Variants in SI observed in about 807,000 individuals in gnomAD.
The protein encoded by SI is sucrase-isomaltase, intestinal.
In SI, 235 loss-of-function variants were observed where a neutral mutation model predicts 253.3. The observed-to-expected ratio is 0.93, with a 90% CI of 0.83 to 1.03. SI has a LOEUF of 1.03. Ranked by LOEUF, SI falls within the 50% of genes least tolerant of loss-of-function variation. The pLI is 0.00. For missense variants in SI, 2,442 were observed against 2,211.1 expected, an observed-to-expected ratio of 1.10 and a Z score of -2.09; for synonymous variants, 819 against 712.0, an observed-to-expected ratio of 1.15 and a Z score of -2.39.
chr3:165,086,290 T>C, the SI span, among the ~76,000 whole-genome samples: 1 of 152,028 alleles, frequency 6.6e-6, no homozygotes, highest in Non-Finnish European at 1.5e-5. Context: ...AAAAAATCCA[T>C]GTTACATGTC....
chr3:165,085,621 T>C, the SI span, among the ~76,000 whole-genome samples: 43 of 152,176 alleles, frequency 2.8e-4, no homozygotes, highest in Non-Finnish European at 1.2e-4. Context: ...GCCATATCTG[T>C]ATTAGGGAGA....
chr3:165,017,702 G>A (rs750713443), intron 30 of SI, 29 bp from the exon 31 acceptor site: 2 of 1,609,358 alleles, frequency 1.2e-6, no homozygotes, highest in Admixed American at 1.7e-5. Flanking sequence ...TGTGAACTAA[G>A]AGAATTACTT....
In SI at chr3:165,069,044, T is replaced by A. The variant is rs754504905; in HGVS notation, c.373+34A>T. ...ACATTTTCGCTCCAGTTAGAATATATCATATTGAATCATTATAACAGAGGA... is the reference window on the plus strand; with the variant it reads ...ACATTTTCGCTCCAGTTAGAATATAACATATTGAATCATTATAACAGAGGA... On this transcript the variant is annotated intron_variant, in intron 4 of 47. Coordinates refer to ENST00000264382, the MANE Select transcript of SI (RefSeq NM_001041.4). The A allele has an allele frequency of 8.7e-6, 12 of 1,385,276 alleles. No individual in the cohort carries two copies. In the South Asian group the frequency reaches 9.2e-5, roughly 11 times the overall value. The allele number at this position is 1,385,276 out of a possible 1,614,324, so 85.8% of individuals were successfully genotyped here. A position where few individuals can be genotyped will look rare whatever the true frequency, so the allele number is the denominator to read the frequency against.
chr3:165,055,431 T>A, intron 12 of SI, 124 bp from the exon 13 acceptor site: 1 of 591,964 alleles, frequency 1.7e-6, no homozygotes, highest in Admixed American at 2.9e-5. Context: ...TAGGTATATG[T>A]GACTCATATA....
chr3:165,043,196 C>G (rs754821100), intron 16 of SI, 21 bp from the exon 17 acceptor site: 4 of 1,488,764 alleles, frequency 2.7e-6, no homozygotes, highest in East Asian at 2.3e-5. Flanking sequence ...AATATATTTA[C>G]TATTTATAAT....
intron 45 of SI, among the ~76,000 whole-genome samples, chr3:164,985,086 G>C (rs1717375893): frequency 6.6e-6 from 1 of 152,044 alleles, no homozygotes; most frequent in Non-Finnish European, 1.5e-5. Flanking sequence ...GAAATATTTG[G>C]ATTATGCTCA....
intron 16 of SI, among the ~76,000 whole-genome samples, chr3:165,044,227 C>G (rs1020926433): frequency 5.3e-5 from 8 of 151,940 alleles, no homozygotes; most frequent in African/African-American, 1.9e-4. Flanking sequence ...TGGTCCCACA[C>G]ATTTTGGATA....
chr3:165,046,310 G>A (rs1407156342), intron 16 of SI, among the ~76,000 whole-genome samples: 2 of 151,960 alleles, frequency 1.3e-5, no homozygotes, highest in Non-Finnish European at 2.9e-5. Flanking sequence ...AATATTGGAT[G>A]CTATGTTTTT....
intron 45 of SI, among the ~76,000 whole-genome samples, chr3:164,985,884 G>T (rs892871403): frequency 3.3e-5 from 5 of 152,066 alleles, no homozygotes; most frequent in Admixed American, 1.3e-4. Context: ...TTAGCAAGCT[G>T]TCCCAGGTGT....
rs779491718 is a variant in SI, at chr3:165,069,068, G to A, written c.373+10C>T. The A allele has an allele frequency of 3.9e-6, 6 of 1,533,978 alleles. No homozygotes were observed. The South Asian group carries it at 6.7e-5, about 17-fold the overall frequency. On this transcript the variant is annotated intron_variant, in intron 4 of 47. Coordinates refer to ENST00000264382, the MANE Select transcript of SI (RefSeq NM_001041.4). ...ATCATATTGAATCATTATAACAGAG[G>A]ACTTCTTACCAATACTTGTTGTTGT...
chr3:165,047,058 A>T, intron 15 of SI, 46 bp from the exon 16 acceptor site: 1 of 1,420,692 alleles, frequency 7.0e-7, no homozygotes, highest in Non-Finnish European at 9.7e-7. Flanking sequence ...TTTAAAAAAT[A>T]AAGTTGGTAT....
At chr3:165,014,358 C>T (rs960155360) in intron 33 of SI, among the ~76,000 whole-genome samples, 2 of 152,026 alleles carry the variant, frequency 1.3e-5, no homozygotes, top group African/African-American at 4.8e-5. Context: ...ACTCCATTCT[C>T]TTGCCTCAGC....
chr3:165,011,342 T>A (rs1205842250), intron 34 of SI, among the ~76,000 whole-genome samples: 1 of 152,176 alleles, frequency 6.6e-6, no homozygotes, highest in Non-Finnish European at 1.5e-5. Flanking sequence ...TCTAATTCTC[T>A]TTTGATCTTT....
chr3:165,005,828 C>T lies in SI; in HGVS notation c.4406+988G>A, dbSNP rs567583233. On this transcript the variant is annotated intron_variant, in intron 37 of 47. Coordinates refer to ENST00000264382, the MANE Select transcript of SI (RefSeq NM_001041.4). ...GTGGTAGGAGCACAGCTCACTGCAG[C>T]CTCAACCTCCTGGGCCCAAGTGATC... 9.4e-4 allele frequency among the ~76,000 whole-genome samples: 143 copies of T among 152,162 alleles called. 1 individual carries two copies. Among genetic ancestry groups the T allele is most frequent in the African/African-American group, 3.3e-3 (137 of 41,524 alleles).
rs781026834 is a variant in SI, at chr3:165,012,585, C to T, written c.4062+395G>A. ...CTGGGTCTACAGGCTCCCGCCACCA[C>T]GCCTGGTTATTTTTTTTTGTATTTT... On this transcript the variant is annotated intron_variant, in intron 34 of 47. Coordinates refer to ENST00000264382, the MANE Select transcript of SI (RefSeq NM_001041.4). Among the ~76,000 whole-genome samples the T allele has an allele frequency of 1.5e-4, 22 of 146,836 alleles. No homozygotes were observed. The Middle Eastern group carries it at 0.014, about 93-fold the overall frequency.
chr3:165,037,333 A>G (rs573577154), intron 21 of SI, among the ~76,000 whole-genome samples: 148 of 152,102 alleles, frequency 9.7e-4, no homozygotes, highest in Non-Finnish European at 1.9e-3. Context: ...TCAATACGGC[A>G]CTTTCTGTGC....
At chr3:164,994,176 A>T in intron 41 of SI, 81 bp downstream of exon 41, 2 of 1,271,548 alleles carry the variant, frequency 1.6e-6, no homozygotes, top group South Asian at 1.2e-5. Flanking sequence ...AAAATATTTT[A>T]TATTGCACTA....
intron 44 of SI, among the ~76,000 whole-genome samples, chr3:164,989,416 G>C: frequency 7.0e-6 from 1 of 143,712 alleles, no homozygotes; most frequent in Admixed American, 7.2e-5. Context: ...AAGAAAGAAA[G>C]AAAGAAAGAA....
chr3:164,989,062 G>A (rs555801303), intron 44 of SI, among the ~76,000 whole-genome samples: 17 of 150,922 alleles, frequency 1.1e-4, no homozygotes, highest in Admixed American at 3.3e-4. Flanking sequence ...TTGTGCACAT[G>A]TACCCTAAAA....
Sources: gnomAD v4.1 joint callset for allele counts (sites outside exome capture counted in the v4.1 genomes callset) on GRCh38, gnomAD v4.1.1 for gene constraint, MANE v1.5 for transcripts, NCBI Gene and HGNC (gene_info 2026-07-23, HGNC 2026-07-21) for gene names.